MGLL: variants seen among roughly 807,000 people sequenced by gnomAD.
MGLL encodes lysophospholipase homolog.
Under a neutral mutation model 29.1 loss-of-function variants are expected in MGLL, and 7 were observed. The ratio of observed to expected loss-of-function variants is 0.24; its 90% CI spans 0.14 to 0.45. MGLL has a LOEUF of 0.45. Among genes scored for constraint, MGLL ranks in the 20% least tolerant of loss-of-function variants. The pLI is 0.99. For missense variants in MGLL, 356 were observed against 413.6 expected (o/e 0.86, Z 1.21); for synonymous variants, 148 against 168.3 (o/e 0.88, Z 0.93).
chr3:127,773,455 C>A (rs932205691), intron 3 of MGLL, among the ~76,000 whole-genome samples: 1 of 152,230 alleles, frequency 6.6e-6, no homozygotes, highest in Non-Finnish European at 1.5e-5. Flanking sequence ...CAGTGTTGAG[C>A]ACATGCTGGG....
chr3:127,794,592 G>A (rs142227942), intron 2 of MGLL, among the ~76,000 whole-genome samples: 158 of 152,176 alleles, frequency 1.0e-3, no homozygotes, highest in African/African-American at 3.5e-3. Context: ...ATGTCAGACC[G>A]TCTTCTGTGA....
chr3:127,783,559 G>T (rs527751348), intron 2 of MGLL, among the ~76,000 whole-genome samples: 5 of 152,350 alleles, frequency 3.3e-5, no homozygotes, highest in Non-Finnish European at 1.5e-5. Context: ...TTCTTCCTAC[G>T]ACTCTTTTCA....
chr3:127,741,498 C>T (rs907236508), intron 3 of MGLL, among the ~76,000 whole-genome samples: 4 of 152,200 alleles, frequency 2.6e-5, no homozygotes, highest in South Asian at 4.1e-4. Flanking sequence ...TTTGTCAGCA[C>T]GAGGCCCATG....
chr3:127,787,301 CTG>C (rs1284885768), intron 2 of MGLL, among the ~76,000 whole-genome samples: 8 of 152,332 alleles, frequency 5.3e-5, no homozygotes, highest in Middle Eastern at 6.8e-3. Flanking sequence ...TGGCCAGACT[CTG>C]GACTTGGCTG....
In MGLL at chr3:127,783,832, T is replaced by C. The variant is rs1218108337; in HGVS notation, c.156-1937A>G. On this transcript the variant is annotated intron_variant, in intron 2 of 7. Coordinates refer to ENST00000265052, the MANE Select transcript of MGLL (RefSeq NM_007283.7). ...ATGGGATTTCTTTCCTGCATTTCCC[T>C]TGGCTACTGAGGAGCACGGCTGGAA... The C allele has an allele frequency of 2.0e-5, 3 of 152,286 alleles. No homozygotes were observed. The East Asian group carries it at 5.8e-4, about 29-fold the overall frequency. The allele number at this position is 152,286 out of a possible 1,614,324, so 9.4% of individuals were successfully genotyped here.
chr3:127,740,224 T>C (rs2076314095), intron 3 of MGLL, among the ~76,000 whole-genome samples: 1 of 152,236 alleles, frequency 6.6e-6, no homozygotes, highest in African/African-American at 2.4e-5. Context: ...TCACCACTTG[T>C]GGCATGAAGC....
chr3:127,717,086 G>A (rs1206507664), intron 5 of MGLL, among the ~76,000 whole-genome samples: 1 of 152,196 alleles, frequency 6.6e-6, no homozygotes, highest in Non-Finnish European at 1.5e-5. Context: ...GAGAGCAGGT[G>A]CCCACAGGAC....
chr3:127,777,724 A>C (rs2077059852), intron 3 of MGLL, among the ~76,000 whole-genome samples: 2 of 152,250 alleles, frequency 1.3e-5, no homozygotes, highest in African/African-American at 4.8e-5. Flanking sequence ...CCCTGGAAGA[A>C]GACAAAACTT....
intron 3 of MGLL, among the ~76,000 whole-genome samples, chr3:127,737,362 G>C (rs999948827): frequency 6.6e-6 from 1 of 151,518 alleles, no homozygotes; most frequent in South Asian, 2.1e-4. Context: ...GCTCAGCCTC[G>C]TCACCTGCAA....
chr3:127,694,331 GTA>G (rs1253157268), intron 7 of MGLL, among the ~76,000 whole-genome samples: 4 of 83,258 alleles, frequency 4.8e-5, no homozygotes, highest in African/African-American at 1.5e-4. Context: ...ATATATATGT[GTA>G]TATATATGTA....
intron 3 of MGLL, chr3:127,736,152 C>T (rs368043990): frequency 1.1e-5 from 12 of 1,085,000 alleles, no homozygotes; most frequent in Middle Eastern, 4.0e-4. Context: ...AGTACAGACA[C>T]CTGGCAACCC....
In MGLL at chr3:127,819,054, C is replaced by T. The variant is rs143888369; in HGVS notation, c.155+2640G>A. 2.5e-3 allele frequency among the ~76,000 whole-genome samples: 386 copies of T among 152,320 alleles called. 2 individuals carry two copies. Among genetic ancestry groups the T allele is most frequent in the Middle Eastern group, 0.01 (3 of 294 alleles). ...CTCTGGCCTGCTACGTTAAAAACAGCACTGATGGTAAAGGCTAACCCAAGA... is the reference window on the plus strand; with the variant it reads ...CTCTGGCCTGCTACGTTAAAAACAGTACTGATGGTAAAGGCTAACCCAAGA... On this transcript the variant is annotated intron_variant, in intron 2 of 7. Transcript: ENST00000265052.
At chr3:127,706,372 G>A (rs1477265966) in intron 6 of MGLL, among the ~76,000 whole-genome samples, 2 of 152,230 alleles carry the variant, frequency 1.3e-5, no homozygotes, top group East Asian at 3.8e-4. Flanking sequence ...GCTGGCAGCT[G>A]TGGCTTCCCT....
At chr3:127,807,515 C>T (rs999799761) in intron 2 of MGLL, among the ~76,000 whole-genome samples, 1 of 151,788 alleles carries the variant, frequency 6.6e-6, no homozygotes, top group Non-Finnish European at 1.5e-5. Context: ...TTGCTTTAGG[C>T]TTAACTTGCT....
chr3:127,768,611 G>A (rs2076897262), intron 3 of MGLL, among the ~76,000 whole-genome samples: 1 of 152,188 alleles, frequency 6.6e-6, no homozygotes, highest in African/African-American at 2.4e-5. Context: ...AAGTAAGGGA[G>A]TATTTCCCAA....
intron 6 of MGLL, among the ~76,000 whole-genome samples, chr3:127,700,572 G>C (rs893456388): frequency 6.6e-6 from 1 of 152,182 alleles, no homozygotes; most frequent in African/African-American, 2.4e-5. Context: ...TGGCCTGCAC[G>C]GTGGCTGGCA....
chr3:127,789,014 T>C (rs1213392637), intron 2 of MGLL, among the ~76,000 whole-genome samples: 2 of 152,194 alleles, frequency 1.3e-5, no homozygotes, highest in Non-Finnish European at 2.9e-5. Context: ...TAAATCCCTT[T>C]GCTTTGCCTG....
At chr3:127,696,986 AC>A (rs563029267) in intron 6 of MGLL, among the ~76,000 whole-genome samples, 65 of 152,226 alleles carry the variant, frequency 4.3e-4, no homozygotes, top group African/African-American at 1.5e-3. Context: ...TCCTGCAGTC[AC>A]CCCTGCCATC....
chr3:127,764,405 G>A (rs72626383), intron 3 of MGLL, among the ~76,000 whole-genome samples: 19,283 of 152,156 alleles, frequency 0.13, 1,268 homozygotes, highest in Middle Eastern at 0.17. Context: ...CAGAATGGGC[G>A]TACAGATATC....
Sources: gnomAD v4.1 joint callset for allele counts (sites outside exome capture counted in the v4.1 genomes callset) on GRCh38, gnomAD v4.1.1 for gene constraint, MANE v1.5 for transcripts, NCBI Gene and HGNC (gene_info 2026-07-23, HGNC 2026-07-21) for gene names.